The following PRKCZ variants were observed in gnomAD, a reference collection of about 807,000 sequenced individuals.
The protein encoded by PRKCZ is protein kinase C zeta type.
A neutral mutation model predicts 79.5 loss-of-function variants in PRKCZ; 33 were observed. The ratio of observed to expected loss-of-function variants is 0.41; its 90% CI spans 0.31 to 0.55. The LOEUF is 0.55. Among genes scored for constraint, PRKCZ ranks in the 20% least tolerant of loss-of-function variants. PRKCZ has a pLI of 0.19. For synonymous variants in PRKCZ, 342 were observed against 320.9 expected (o/e 1.07, Z -0.70); for missense variants, 578 against 813.5 (o/e 0.71, Z 3.52).
At chr1:2,118,766 A>T in intron 4 of PRKCZ, among the ~76,000 whole-genome samples, 1 of 101,104 alleles carries the variant, frequency 9.9e-6, no homozygotes, top group South Asian at 3.5e-4. Flanking sequence ...AGATGAGGGG[A>T]GGGAGGGAAG....
chr1:2,066,129 GT>G (rs1342663183), intron 4 of PRKCZ, among the ~76,000 whole-genome samples: 7 of 152,144 alleles, frequency 4.6e-5, no homozygotes, highest in African/African-American at 1.7e-4. Context: ...GGATAATTAT[GT>G]CCATGTTCTT....
intron 9 of PRKCZ, among the ~76,000 whole-genome samples, chr1:2,155,624 CAGT>C (rs945207509): frequency 6.2e-5 from 9 of 146,154 alleles, no homozygotes; most frequent in East Asian, 2.0e-4. Context: ...GTGATGATGA[CAGT>C]GGTGGTGAAG....
At chr1:2,054,623 G>T (rs1156590458) in intron 1 of PRKCZ, among the ~76,000 whole-genome samples, 2 of 151,964 alleles carry the variant, frequency 1.3e-5, no homozygotes, top group African/African-American at 2.4e-5. Flanking sequence ...AACGGACCCA[G>T]TGCCCACTCC....
intron 4 of PRKCZ, among the ~76,000 whole-genome samples, chr1:2,107,437 G>C (rs910507030): frequency 1.3e-5 from 2 of 152,262 alleles, no homozygotes; most frequent in African/African-American, 4.8e-5. Flanking sequence ...GGGCTGGGCT[G>C]ACTGATGCAT....
chr1:2,111,350 G>A (rs771156167), intron 4 of PRKCZ, among the ~76,000 whole-genome samples: 14 of 152,124 alleles, frequency 9.2e-5, no homozygotes, highest in Non-Finnish European at 1.6e-4. Context: ...AGGGACAGGC[G>A]GGGTGGGGGT....
intron 4 of PRKCZ, among the ~76,000 whole-genome samples, chr1:2,090,298 T>C (rs1366387067): frequency 6.6e-6 from 1 of 152,206 alleles, no homozygotes; most frequent in African/African-American, 2.4e-5. Context: ...CTGGCCGGTC[T>C]GCAGTCCTTG....
At chr1:2,148,746 A>G (rs1022373436) in intron 7 of PRKCZ, 126 bp from the exon 8 acceptor site, 3 of 900,770 alleles carry the variant, frequency 3.3e-6, no homozygotes, top group Admixed American at 4.8e-5. Flanking sequence ...AGAATCAGAC[A>G]TGGCTGCTGT....
At chr1:2,137,783 G>T (rs968629936) in intron 5 of PRKCZ, among the ~76,000 whole-genome samples, 1 of 151,896 alleles carries the variant, frequency 6.6e-6, no homozygotes, top group Admixed American at 6.5e-5. Flanking sequence ...ACCACCACCA[G>T]TGAGCAAAAG....
intron 5 of PRKCZ, among the ~76,000 whole-genome samples, chr1:2,139,805 T>G (rs1052384976): frequency 2.0e-5 from 3 of 152,216 alleles, no homozygotes; most frequent in African/African-American, 7.2e-5. Flanking sequence ...CTCAGCATTA[T>G]TTTTACAAGC....
chr1:2,160,300 C>A (rs1441609713), intron 10 of PRKCZ, among the ~76,000 whole-genome samples: 1 of 151,608 alleles, frequency 6.6e-6, no homozygotes, highest in Non-Finnish European at 1.5e-5. Context: ...CTGCCCGAAG[C>A]TCTGGAGAGG....
intron 10 of PRKCZ, chr1:2,169,132 C>G (rs534952075): frequency 2.2e-6 from 1 of 458,110 alleles, no homozygotes; most frequent in Non-Finnish European, 4.4e-6. Context: ...TGTCCCCATG[C>G]AAGAAACTGC....
In PRKCZ at chr1:2,098,033, C is replaced by T. The variant is rs1666824413; in HGVS notation, c.335-37229C>T. ...CGGAGTGGCGGGGTGAATAGTTTGACGGGAAGGATGGTTACAGAACAGGTG... is the reference window on the plus strand; with the variant it reads ...CGGAGTGGCGGGGTGAATAGTTTGATGGGAAGGATGGTTACAGAACAGGTG... On this transcript the variant is annotated intron_variant, in intron 4 of 17. Transcript: ENST00000378567. Among the ~76,000 whole-genome samples, 3 of 151,574 alleles carry T rather than the reference C, an allele frequency of 2.0e-5. 1 individual carries two copies. Among genetic ancestry groups the T allele is most frequent in the Non-Finnish European group, 4.4e-5 (3 of 67,952 alleles).
At chr1:2,086,863 C>T (rs761481533) in intron 4 of PRKCZ, among the ~76,000 whole-genome samples, 2 of 152,208 alleles carry the variant, frequency 1.3e-5, no homozygotes, top group East Asian at 1.9e-4. Context: ...GCCGCGGCAT[C>T]GTCACCAGGG....
rs911767977 is a variant in PRKCZ at position 2,155,929 on chromosome 1, C to T, written c.877-66C>T. 8 of 1,409,844 alleles carry T rather than the reference C, an allele frequency of 5.7e-6. No homozygotes were observed. The African/African-American group carries it at 8.5e-5, about 15-fold the overall frequency. 87.3% of individuals were successfully genotyped at this position (1,409,844 alleles called of 1,614,324 possible). ...GAAAGAGACTCCTCCCTTGCCTCCC[C>T]CTTGCCCAGGATGCCTGTGAGGAGC... On this transcript the variant is annotated intron_variant, in intron 9 of 17. Transcript: ENST00000378567.
At chr1:2,099,494 C>T (rs1667092330) in intron 4 of PRKCZ, among the ~76,000 whole-genome samples, 1 of 141,874 alleles carries the variant, frequency 7.0e-6, no homozygotes, top group South Asian at 2.5e-4. Flanking sequence ...GAAGGAGCCC[C>T]TTCAGAAGCA....
intron 16 of PRKCZ, among the ~76,000 whole-genome samples, chr1:2,175,759 GA>G (rs1237131964): frequency 1.3e-5 from 2 of 152,106 alleles, no homozygotes; most frequent in East Asian, 3.9e-4. Context: ...GAGGGATGGG[GA>G]GACACATTTC....
intron 16 of PRKCZ, among the ~76,000 whole-genome samples, chr1:2,180,903 T>G (rs1458899559): frequency 1.3e-5 from 2 of 152,170 alleles, no homozygotes; most frequent in Non-Finnish European, 2.9e-5. Context: ...CCTCTCATCA[T>G]TGCCAAGAAC....
Position 2,174,060 on chromosome 1 carries a change from GTCTT to G in PRKCZ, c.1405+45_1405+48del. 1 of 1,534,558 alleles carries G rather than the reference GTCTT, an allele frequency of 6.5e-7. No individual in the cohort carries two copies. Among genetic ancestry groups the G allele is most frequent in the Non-Finnish European group, 8.8e-7 (1 of 1,134,140 alleles). ...GTTCGTACCCCTCACCTGCACGACTGTCTTCCTTCCTTTTCAAAGGTGCAGGTGG... is the reference window on the plus strand; with the variant it reads ...GTTCGTACCCCTCACCTGCACGACTGCCTTCCTTTTCAAAGGTGCAGGTGG... On this transcript the variant is annotated intron_variant, in intron 14 of 17. Coordinates refer to ENST00000378567, the MANE Select transcript of PRKCZ (RefSeq NM_002744.6). This position sits in a 1 kb window ranked among gnomAD's most constrained non-coding sequence, Gnocchi z 6.2.
At position 2,172,180 on chromosome 1, in the gene PRKCZ, G is replaced by A; in HGVS notation, c.1187G>A (p.Gly396Asp). The change falls in exon 12 of 18, where the codon GGC becomes GAC. Residue 396 changes from glycine to aspartate, a missense_variant. Physicochemically the swap from Gly to Asp is moderately conservative, Grantham distance 94. Coordinates refer to ENST00000378567, the MANE Select transcript of PRKCZ (RefSeq NM_002744.6). This position sits in a 1 kb window ranked among gnomAD's most constrained non-coding sequence, Gnocchi z 7.8. The stretch of plus-strand genomic sequence containing the variant: ...GGGCACATCAAGCTCACAGACTACG[G>A]CATGTGCAAGGTGCGTGCCTTGGAC... Reference protein sequence around the residue: ...ADGHIKLTDYGMCKEGLGPGD... With the variant: ...ADGHIKLTDYDMCKEGLGPGD... The A allele has an allele frequency of 6.2e-7, 1 of 1,613,312 alleles. No homozygotes were observed. The highest frequency in any genetic ancestry group is 8.5e-7 in the Non-Finnish European group (1 of 1,179,940).
Sources: allele counts gnomAD v4.1 joint callset (sites outside exome capture counted in the v4.1 genomes callset), GRCh38; gene constraint gnomAD v4.1.1; non-coding constraint Gnocchi (gnomAD v3.1); transcripts MANE v1.5; gene names NCBI Gene and HGNC (gene_info 2026-07-23, HGNC 2026-07-21).